The following PITPNB variants were observed in gnomAD, a reference collection of about 807,000 sequenced individuals.
PITPNB encodes phosphatidylinositol transfer protein beta.
PITPNB carries 16 observed loss-of-function variants against 45.9 expected under a neutral mutation model. The ratio of observed to expected loss-of-function variants is 0.35; its 90% CI spans 0.24 to 0.53. The LOEUF is 0.53. Ranked by LOEUF, PITPNB falls within the 20% of genes least tolerant of loss-of-function variation. The probability of loss-of-function intolerance (pLI) is 0.93; values close to 1 mark genes in which losing one functional copy is unlikely to be tolerated. For synonymous variants in PITPNB, 112 were observed against 108.9 expected (o/e 1.03, Z -0.18); for missense variants, 188 against 330.5 (o/e 0.57, Z 3.34).
At position 27,853,617 on chromosome 22, in the gene PITPNB, T is replaced by G. The variant is rs1934088865; in HGVS notation, c.*85A>C. ...AGATACTGGTCAGATTCTTCTTCACTCATCACTGGCTGCGCTTGTTCCCCT... is the reference window on the plus strand; with the variant it reads ...AGATACTGGTCAGATTCTTCTTCACGCATCACTGGCTGCGCTTGTTCCCCT... On this transcript the variant is annotated 3_prime_UTR_variant, in exon 12 of 12. Transcript: ENST00000335272. The G allele has an allele frequency of 2.6e-6, 4 of 1,550,462 alleles. No individual in the cohort carries two copies. Among genetic ancestry groups the G allele is most frequent in the Non-Finnish European group, 3.5e-6 (4 of 1,146,568 alleles).
chr22:27,892,649 T>C (rs1935312886), intron 7 of PITPNB, among the ~76,000 whole-genome samples: 2 of 152,284 alleles, frequency 1.3e-5, no homozygotes, highest in South Asian at 4.1e-4. Flanking sequence ...TTCTTTCACA[T>C]ATAGTAAATC....
rs1934082785 is a variant in PITPNB, at chr22:27,853,410, T to C, written c.*292A>G. On this transcript the variant is annotated 3_prime_UTR_variant, in exon 12 of 12. Transcript: ENST00000335272. ...CAGTACTTTGGAGAAATTGTACTAA[T>C]CCCTTCAGTATGTCTGTATGTACAT... 1.9e-6 allele frequency: 1 copy of C among 515,502 alleles called. No homozygotes were observed. 31.9% of individuals were successfully genotyped at this position (515,502 alleles called of 1,614,324 possible).
rs560558849 is a variant in PITPNB at position 27,870,126 on chromosome 22, C to T, written c.534+3612G>A. Among the ~76,000 whole-genome samples the T allele has an allele frequency of 1.1e-4, 16 of 152,320 alleles. No homozygotes were observed. In the South Asian group the frequency reaches 3.1e-3, roughly 30 times the overall value. On this transcript the variant is annotated intron_variant, in intron 8 of 11. Transcript: ENST00000335272. ...ACCTTACACACTGCTGTAACTACCACCGAATCAGGTGTTCCAGAAATGGCA... is the reference window on the plus strand; with the variant it reads ...ACCTTACACACTGCTGTAACTACCATCGAATCAGGTGTTCCAGAAATGGCA...
chr22:27,869,942 A>G (rs1025456420), intron 8 of PITPNB, among the ~76,000 whole-genome samples: 60 of 152,180 alleles, frequency 3.9e-4, no homozygotes, highest in Non-Finnish European at 7.1e-4. Flanking sequence ...TTCCCTGACC[A>G]TTGAAAACGT....
chr22:27,915,598 C>T (rs770056611), intron 1 of PITPNB, among the ~76,000 whole-genome samples: 1 of 152,112 alleles, frequency 6.6e-6, no homozygotes, highest in Non-Finnish European at 1.5e-5. Flanking sequence ...CTGAGTTACT[C>T]GCCACTCTTT....
intron 7 of PITPNB, among the ~76,000 whole-genome samples, chr22:27,891,228 T>C (rs932528234): frequency 6.6e-6 from 1 of 152,180 alleles, no homozygotes; most frequent in Admixed American, 6.5e-5. Context: ...AAGGGTAAAA[T>C]TTAGATTATG....
intron 2 of PITPNB, among the ~76,000 whole-genome samples, chr22:27,913,003 A>AAGG (rs398036742): frequency 2.2e-5 from 3 of 138,140 alleles, no homozygotes; most frequent in African/African-American, 5.3e-5. Context: ...AAAAAAAAAA[A>AAGG]GGTGGGGGGG....
chr22:27,887,862 C>T (rs1935169546), intron 7 of PITPNB, among the ~76,000 whole-genome samples: 1 of 152,122 alleles, frequency 6.6e-6, no homozygotes, highest in Admixed American at 6.5e-5. Context: ...AGGCCATTCC[C>T]TTAATTAATC....
chr22:27,876,642 A>T (rs1934828658), intron 7 of PITPNB, among the ~76,000 whole-genome samples: 1 of 152,196 alleles, frequency 6.6e-6, no homozygotes, highest in Non-Finnish European at 1.5e-5. Context: ...TTTTTTGAAC[A>T]GTATTTTCTT....
At chr22:27,880,765 G>A (rs1934947655) in intron 7 of PITPNB, among the ~76,000 whole-genome samples, 1 of 152,054 alleles carries the variant, frequency 6.6e-6, no homozygotes, top group African/African-American at 2.4e-5. Flanking sequence ...TGGGATTACA[G>A]GCACATGCCA....
intron 8 of PITPNB, among the ~76,000 whole-genome samples, chr22:27,864,986 T>A (rs1346139281): frequency 4.0e-5 from 6 of 151,730 alleles, no homozygotes. Flanking sequence ...AAATAACAGT[T>A]AACAATGTGG....
intron 7 of PITPNB, among the ~76,000 whole-genome samples, chr22:27,877,159 T>C (rs889601244): frequency 2.0e-5 from 3 of 152,240 alleles, no homozygotes; most frequent in Non-Finnish European, 4.4e-5. Flanking sequence ...ATTGCTAAAG[T>C]GCACTGTGTT....
intron 1 of PITPNB, among the ~76,000 whole-genome samples, chr22:27,914,597 A>G (rs1464285204): frequency 6.6e-6 from 1 of 152,226 alleles, no homozygotes; most frequent in Non-Finnish European, 1.5e-5. Flanking sequence ...CAGCAGCTGC[A>G]GAGATTCTTG....
intron 3 of PITPNB, among the ~76,000 whole-genome samples, chr22:27,901,410 C>A (rs1225252577): frequency 6.6e-6 from 1 of 152,154 alleles, no homozygotes; most frequent in Non-Finnish European, 1.5e-5. Flanking sequence ...CCTTCTCCTT[C>A]CCACTGCAGA....
chr22:27,916,365 T>A (rs1936075229), intron 1 of PITPNB, among the ~76,000 whole-genome samples: 1 of 152,196 alleles, frequency 6.6e-6, no homozygotes, highest in Non-Finnish European at 1.5e-5. Context: ...TGTCTGAAAA[T>A]CCTCATAAAA....
intron 3 of PITPNB, among the ~76,000 whole-genome samples, chr22:27,903,400 C>T (rs569758004): frequency 1.6e-3 from 236 of 144,264 alleles, no homozygotes; most frequent in Non-Finnish European, 2.0e-3. Flanking sequence ...ACCCGGAAGG[C>T]GGAGGTTGTG....
chr22:27,913,301 T>G (rs953856290), intron 2 of PITPNB, among the ~76,000 whole-genome samples: 6 of 152,202 alleles, frequency 3.9e-5, no homozygotes, highest in African/African-American at 1.4e-4. Flanking sequence ...CTGCATTTCT[T>G]TCTGTCTTCT....
In PITPNB at chr22:27,873,934, GC is replaced by G. The variant is rs1274200914; in HGVS notation, c.457-120del. On this transcript the variant is annotated intron_variant, in intron 7 of 11. Transcript: ENST00000335272. ...GACAGAAATCAATTAGACTCACTGT[GC>G]TTTTGCGTAAAAGTAGAAAAATGCT... is the stretch of plus-strand genomic sequence containing the variant. The G allele has an allele frequency of 4.5e-6, 3 of 659,856 alleles. No homozygotes were observed. In the African/African-American group the frequency reaches 5.4e-5, roughly 12 times the overall value. 40.9% of individuals were successfully genotyped at this position (659,856 alleles called of 1,614,324 possible).
At chr22:27,877,978 G>A (rs1934868348) in intron 7 of PITPNB, among the ~76,000 whole-genome samples, 1 of 152,158 alleles carries the variant, frequency 6.6e-6, no homozygotes, top group African/African-American at 2.4e-5. Flanking sequence ...GAGAGGGGGT[G>A]TTTTACTGGG....
Sources: allele counts gnomAD v4.1 joint callset (sites outside exome capture counted in the v4.1 genomes callset), GRCh38; gene constraint gnomAD v4.1.1; transcripts MANE v1.5; gene names NCBI Gene and HGNC (gene_info 2026-07-23, HGNC 2026-07-21).